Variants in TCAIM observed in about 807,000 individuals in gnomAD.
The protein encoded by TCAIM is T cell activation inhibitor, mitochondrial.
In TCAIM, 36 loss-of-function variants were observed where a neutral mutation model predicts 58.6. That is an observed-to-expected ratio of 0.61 (90% CI 0.47 to 0.81). The LOEUF (loss-of-function observed/expected upper bound fraction) is 0.81. TCAIM is among the 30% of genes least tolerant of loss of function. TCAIM has a pLI of 0.00. For missense variants in TCAIM, 466 were observed against 579.6 expected (o/e 0.80, Z 2.01); for synonymous variants, 172 against 193.6 (o/e 0.89, Z 0.93).
chr3:44,348,087 A>G (rs1400871279), intron 1 of TCAIM, among the ~76,000 whole-genome samples: 2 of 152,224 alleles, frequency 1.3e-5, no homozygotes, highest in Non-Finnish European at 2.9e-5. Context: ...GGGAGTTTTA[A>G]GAGGTTTAGA....
upstream of TCAIM, chr3:44,338,183 G>C (rs1026557528): frequency 2.0e-5 from 3 of 152,460 alleles, no homozygotes; most frequent in African/African-American, 7.2e-5. Context: ...GCCCTTCTCC[G>C]TTCCTTGCAG....
chr3:44,360,068 C>T (rs1395167566), intron 3 of TCAIM, among the ~76,000 whole-genome samples: 2 of 152,128 alleles, frequency 1.3e-5, no homozygotes, highest in Middle Eastern at 3.2e-3. Context: ...CCAGACTACA[C>T]TATTACTTGT....
chr3:44,407,586 T>C lies in TCAIM; in HGVS notation c.1395T>C (p.His465=), dbSNP rs774113824. Residue 465 remains histidine, a synonymous_variant, in exon 11 of 11, where the codon CAT becomes CAC. Transcript: ENST00000342649. Reference sequence around the variant, plus strand: ...TAGAACAATCACTGCCTTACCTACATGGGATGCACCTCTGCATTTCACATT... The same window carrying C: ...TAGAACAATCACTGCCTTACCTACACGGGATGCACCTCTGCATTTCACATT... The part of the protein sequence containing the change: ...RLLEQSLPYL[H]GMHLCISHFY... 1.2e-6 allele frequency: 2 copies of C among 1,613,926 alleles called. No homozygotes were observed. The highest frequency in any genetic ancestry group is 1.7e-6 in the Non-Finnish European group (2 of 1,179,970).
chr3:44,370,175 C>A (rs1025400370), intron 5 of TCAIM, among the ~76,000 whole-genome samples: 6 of 152,180 alleles, frequency 3.9e-5, no homozygotes, highest in Admixed American at 2.0e-4. Context: ...GTCCCTCTGA[C>A]TTGTTGTCTA....
intron 8 of TCAIM, among the ~76,000 whole-genome samples, chr3:44,397,789 A>G (rs925424114): frequency 6.6e-6 from 1 of 152,200 alleles, no homozygotes; most frequent in Non-Finnish European, 1.5e-5. Context: ...GCATTTCTCT[A>G]ATAATAAATA....
rs538884695 is a variant in TCAIM at position 44,385,268 on chromosome 3, G to C, written c.573-7587G>C. 4.5e-3 allele frequency among the ~76,000 whole-genome samples: 680 copies of C among 152,286 alleles called. 4 individuals carry two copies. The highest frequency in any genetic ancestry group is 0.015 in the South Asian group (73 of 4,822). On this transcript the variant is annotated intron_variant, in intron 5 of 10. Transcript: ENST00000342649. ...CTCTTGTCATGTTTACAGAAGATTG[G>C]AGGACATGGTTGAGAAAATGTCCTG...
chr3:44,383,132 G>C (rs974612859), intron 5 of TCAIM, among the ~76,000 whole-genome samples: 1 of 152,220 alleles, frequency 6.6e-6, no homozygotes, highest in Admixed American at 6.5e-5. Flanking sequence ...CTTATGCACT[G>C]TTGGTGGAAA....
chr3:44,393,554 C>T (rs1475376631), intron 6 of TCAIM, among the ~76,000 whole-genome samples: 1 of 152,028 alleles, frequency 6.6e-6, no homozygotes. Context: ...AACTTTTTTA[C>T]ATAATAAGTT....
chr3:44,354,426 C>T (rs1701152423), intron 1 of TCAIM, among the ~76,000 whole-genome samples: 1 of 152,112 alleles, frequency 6.6e-6, no homozygotes, highest in South Asian at 2.1e-4. Context: ...ACTTTAGAAT[C>T]CATTTGTCAG....
chr3:44,358,476 G>A (rs1042433227), intron 3 of TCAIM: 15 of 518,940 alleles, frequency 2.9e-5, no homozygotes, highest in South Asian at 2.7e-4. Context: ...AAATACATCT[G>A]TACTACACAT....
In TCAIM at chr3:44,373,172, G is replaced by A. The variant is rs146084902; in HGVS notation, c.572+5464G>A. Among the ~76,000 whole-genome samples the A allele has an allele frequency of 5.5e-3, 835 of 151,840 alleles. 7 individuals are homozygous for A. Among genetic ancestry groups the A allele is most frequent in the African/African-American group, 0.019 (800 of 41,410 alleles). ...AGACAGGGTCTTGTTTGGTTGCCTAGACTGGAGGAGTTTTTTAAAAACACA... is the reference window on the plus strand; with the variant it reads ...AGACAGGGTCTTGTTTGGTTGCCTAAACTGGAGGAGTTTTTTAAAAACACA... On this transcript the variant is annotated intron_variant, in intron 5 of 10. Transcript: ENST00000342649.
At chr3:44,347,183 G>A (rs930856310) in intron 1 of TCAIM, among the ~76,000 whole-genome samples, 2 of 152,120 alleles carry the variant, frequency 1.3e-5, no homozygotes, top group African/African-American at 4.8e-5. Flanking sequence ...TAACAGATGA[G>A]GAAGAAATTT....
chr3:44,358,626 G>T, intron 3 of TCAIM: 1 of 450,288 alleles, frequency 2.2e-6, no homozygotes, highest in Non-Finnish European at 3.0e-6. Flanking sequence ...TAGGTTATTT[G>T]CAAATACTAC....
chr3:44,378,083 CTTAAGACTT>C, intron 5 of TCAIM, among the ~76,000 whole-genome samples: 1 of 152,276 alleles, frequency 6.6e-6, no homozygotes, highest in East Asian at 1.9e-4. Context: ...CTATCAGGAA[CTTAAGACTT>C]ACAAACTGCT....
intron 1 of TCAIM, among the ~76,000 whole-genome samples, chr3:44,353,949 T>C (rs998054535): frequency 2.6e-5 from 4 of 152,244 alleles, no homozygotes; most frequent in African/African-American, 9.6e-5. Context: ...AGCTTACCAG[T>C]TAAGCTGGAT....
chr3:44,407,851 A>G lies in TCAIM; in HGVS notation c.*169A>G, dbSNP rs1162561857. 1.9e-5 allele frequency: 14 copies of G among 719,850 alleles called. No homozygotes were observed. Among genetic ancestry groups the G allele is most frequent in the Non-Finnish European group, 2.9e-5 (14 of 483,802 alleles). 44.6% of individuals were successfully genotyped at this position (719,850 alleles called of 1,614,324 possible). On this transcript the variant is annotated 3_prime_UTR_variant, in exon 11 of 11. Transcript: ENST00000342649. ...ATTAATTTCTGCTAGGAGAGGTTTT[A>G]TATGCCAGGCGTGGTGGCTCATGCC...
chr3:44,372,234 T>G, intron 5 of TCAIM, among the ~76,000 whole-genome samples: 1 of 152,166 alleles, frequency 6.6e-6, no homozygotes, highest in East Asian at 1.9e-4. Context: ...AAGAGAAAAC[T>G]GTACTGATTT....
At chr3:44,352,854 G>A (rs1338651191) in intron 1 of TCAIM, among the ~76,000 whole-genome samples, 1 of 150,732 alleles carries the variant, frequency 6.6e-6, no homozygotes, top group Non-Finnish European at 1.5e-5. Context: ...TTCCCAGACT[G>A]CTTGGAATTC....
chr3:44,351,579 C>G (rs1701089657), intron 1 of TCAIM, among the ~76,000 whole-genome samples: 1 of 152,124 alleles, frequency 6.6e-6, no homozygotes, highest in African/African-American at 2.4e-5. Flanking sequence ...ACTCCAACCT[C>G]TGCCTCCCGG....
Sources: allele counts gnomAD v4.1 joint callset (sites outside exome capture counted in the v4.1 genomes callset), GRCh38; gene constraint gnomAD v4.1.1; transcripts MANE v1.5; gene names NCBI Gene and HGNC (gene_info 2026-07-23, HGNC 2026-07-21).